MAP3K15: variants seen among roughly 807,000 people sequenced by gnomAD.
MAP3K15 encodes MAPK/ERK kinase kinase 15.
A neutral mutation model predicts 99.5 loss-of-function variants in MAP3K15; 124 were observed. The observed-to-expected ratio is 1.25, with a 90% CI of 1.08 to 1.45. The LOEUF (loss-of-function observed/expected upper bound fraction) is 1.45, where lower values mean the gene tolerates loss of function less well. Ranked by LOEUF, MAP3K15 falls within the 40% of genes most tolerant of loss-of-function variation. The pLI is 0.00. For synonymous variants in MAP3K15, 494 were observed against 439.6 expected (o/e 1.12, Z -1.55); for missense variants, 1,242 against 1,079.7 (o/e 1.15, Z -2.11).
intron 1 of MAP3K15, among the ~76,000 whole-genome samples, chrX:19,502,533 T>G (rs182933538): frequency 3.9e-4 from 44 of 111,650 alleles, no homozygotes; most frequent in African/African-American, 1.4e-3. Flanking sequence ...TAAACCTCTT[T>G]TGGGGCCAGG....
chrX:19,436,640 C>T (rs1307480800), intron 6 of MAP3K15, among the ~76,000 whole-genome samples: 1 of 111,490 alleles, frequency 9.0e-6, no homozygotes, highest in Non-Finnish European at 1.9e-5. Flanking sequence ...AACTCATTTG[C>T]ATGTTGATAC....
chrX:19,416,962 A>G (rs1176110919), intron 9 of MAP3K15, among the ~76,000 whole-genome samples: 1 of 112,067 alleles, frequency 8.9e-6, no homozygotes, highest in Non-Finnish European at 1.9e-5. Flanking sequence ...GTAATTTTAG[A>G]TTTACATGAA....
chrX:19,392,220 A>C, intron 17 of MAP3K15, 113 bp from the exon 18 acceptor site: 1 of 1,046,190 alleles, frequency 9.6e-7, no homozygotes, highest in Admixed American at 2.5e-5. Context: ...TAGACTTTGC[A>C]TTTTGGGGAC....
At position 19,360,699 on chromosome X, in the gene MAP3K15, C is replaced by T; in HGVS notation, c.*50G>A. Reference sequence around the variant, plus strand: ...GTGTATACACTAACAGAAGCTTTAACAAAACATGTAGCGTGGTGGGACACT... The same window carrying T: ...GTGTATACACTAACAGAAGCTTTAATAAAACATGTAGCGTGGTGGGACACT... On this transcript the variant is annotated 3_prime_UTR_variant, in exon 29 of 29. Transcript: ENST00000338883. The T allele has an allele frequency of 1.0e-6, 1 of 1,001,938 alleles. No homozygotes were observed. Among genetic ancestry groups the T allele is most frequent in the Non-Finnish European group, 1.4e-6 (1 of 711,852 alleles). The allele number at this position is 1,001,938 out of a possible 1,213,427, so 82.6% of individuals were successfully genotyped here.
Position 19,361,346 on chromosome X carries a change from G to A in MAP3K15, c.3850C>T (p.Arg1284Ter), listed in dbSNP as rs148399187. ...EITKEDLRYL[R>*]LRGGLLCRLW... ...CTGTTTTGAGGCTCTTACCGTAGTCGAAGGTATCTTAGATCTTCCTTAGTG... is the reference window on the plus strand; with the variant it reads ...CTGTTTTGAGGCTCTTACCGTAGTCAAAGGTATCTTAGATCTTCCTTAGTG... Residue 1284 changes from arginine (R) to a stop codon, truncating the protein, a stop_gained, in exon 28 of 29, where the codon CGA (arginine) becomes TGA (stop). Coordinates refer to ENST00000338883, the MANE Select transcript of MAP3K15 (RefSeq NM_001001671.4). LOFTEE classifies it low-confidence loss of function (END_TRUNC). The A allele has an allele frequency of 2.1e-5, 25 of 1,200,709 alleles. No individual in the cohort carries two copies. The highest frequency in any genetic ancestry group is 1.5e-4 in the Admixed American group (7 of 45,573).
At chrX:19,486,220 A>G (rs1315591415) in intron 3 of MAP3K15, among the ~76,000 whole-genome samples, 2 of 111,770 alleles carry the variant, frequency 1.8e-5, no homozygotes, top group Admixed American at 1.9e-4. Flanking sequence ...GTTACAGCTC[A>G]AAGTCCCAGC....
chrX:19,375,440 G>A (rs936823375), intron 19 of MAP3K15, among the ~76,000 whole-genome samples: 8 of 112,131 alleles, frequency 7.1e-5, no homozygotes, highest in African/African-American at 2.6e-4. Flanking sequence ...CTCTGTCCCT[G>A]TGACCTGTAG....
At chrX:19,504,081 C>T (rs2064458319) in intron 1 of MAP3K15, among the ~76,000 whole-genome samples, 1 of 101,410 alleles carries the variant, frequency 9.9e-6, no homozygotes, top group South Asian at 5.1e-4. Context: ...GTTTGTGTCA[C>T]TGCACTCCAG....
intron 14 of MAP3K15, among the ~76,000 whole-genome samples, chrX:19,398,569 T>C (rs1322835614): frequency 2.7e-5 from 3 of 112,072 alleles, no homozygotes; most frequent in African/African-American, 9.7e-5. Flanking sequence ...AGTATGACTT[T>C]ATGAAATGGA....
chrX:19,439,726 G>C (rs1366316351), intron 6 of MAP3K15, among the ~76,000 whole-genome samples: 1 of 112,012 alleles, frequency 8.9e-6, no homozygotes, highest in East Asian at 2.8e-4. Flanking sequence ...ACCTCGGCCT[G>C]CCAAAGTACT....
chrX:19,430,159 C>T (rs776765136), intron 7 of MAP3K15, among the ~76,000 whole-genome samples: 10 of 112,213 alleles, frequency 8.9e-5, no homozygotes, highest in East Asian at 5.6e-4. Context: ...TGAATGTGGG[C>T]GGACCTTGTG....
intron 6 of MAP3K15, among the ~76,000 whole-genome samples, chrX:19,450,680 T>C (rs754312550): frequency 9.2e-6 from 1 of 108,825 alleles, no homozygotes; most frequent in South Asian, 4.1e-4. Context: ...ACACAGCCCT[T>C]CTACTGACAC....
intron 3 of MAP3K15, among the ~76,000 whole-genome samples, chrX:19,474,936 C>T (rs1463509361): frequency 9.0e-6 from 1 of 110,764 alleles, no homozygotes; most frequent in African/African-American, 3.3e-5. Flanking sequence ...ACAGTGGTCC[C>T]CAACCTTTTT....
At chrX:19,510,358 C>T (rs146126460) in intron 1 of MAP3K15, among the ~76,000 whole-genome samples, 4 of 111,899 alleles carry the variant, frequency 3.6e-5, no homozygotes, top group Non-Finnish European at 3.8e-5. Flanking sequence ...ATGATCAAGT[C>T]GGCTTCATCC....
At chrX:19,394,347 C>A (rs775944808) in intron 16 of MAP3K15, among the ~76,000 whole-genome samples, 1 of 110,735 alleles carries the variant, frequency 9.0e-6, no homozygotes, top group African/African-American at 3.3e-5. Context: ...GTCATTATTA[C>A]TCCAATTTTA....
intron 1 of MAP3K15, among the ~76,000 whole-genome samples, chrX:19,491,477 T>C (rs903685517): frequency 4.6e-5 from 5 of 108,708 alleles, no homozygotes; most frequent in African/African-American, 1.7e-4. Flanking sequence ...GGCAGGCAAA[T>C]GGGATGAGGA....
rs755601532 is a variant in MAP3K15, at chrX:19,446,484, C to CCATGCAGA, written c.995+10421_995+10428dup. Among the ~76,000 whole-genome samples, 432 of 111,796 alleles carry CCATGCAGA rather than the reference C, an allele frequency of 3.9e-3. 3 individuals are homozygous for CCATGCAGA. Among genetic ancestry groups the CCATGCAGA allele is most frequent in the African/African-American group, 0.013 (385 of 30,703 alleles). ...GGAAAGTTTGGTGACCTGCCTAAGGCCATGCAGATAGTGGTGGAGTCGTAA... is the reference window on the plus strand; with the variant it reads ...GGAAAGTTTGGTGACCTGCCTAAGGCCATGCAGACATGCAGATAGTGGTGGAGTCGTAA... On this transcript the variant is annotated intron_variant, in intron 6 of 28. Transcript: ENST00000338883.
At chrX:19,491,467 G>C (rs1043989932) in intron 1 of MAP3K15, among the ~76,000 whole-genome samples, 1 of 110,072 alleles carries the variant, frequency 9.1e-6, no homozygotes, top group Non-Finnish European at 1.9e-5. Context: ...GTAAGAGTCA[G>C]GCAGGCAAAT....
intron 3 of MAP3K15, among the ~76,000 whole-genome samples, chrX:19,470,868 G>A (rs1011522043): frequency 2.7e-5 from 3 of 111,285 alleles, no homozygotes; most frequent in East Asian, 2.8e-4. Flanking sequence ...TTACAAATAC[G>A]TTCAAAGAAC....
Sources: gnomAD v4.1 joint callset for allele counts (sites outside exome capture counted in the v4.1 genomes callset) on GRCh38, gnomAD v4.1.1 for gene constraint, MANE v1.5 for transcripts, NCBI Gene and HGNC (gene_info 2026-07-23, HGNC 2026-07-21) for gene names.